EPHA6: variants seen among roughly 807,000 people sequenced by gnomAD.
EPHA6 encodes ephrin type-A receptor 6.
A neutral mutation model predicts 112.0 loss-of-function variants in EPHA6; 50 were observed. The ratio of observed to expected loss-of-function variants is 0.45; its 90% CI spans 0.36 to 0.56. The LOEUF (loss-of-function observed/expected upper bound fraction) is 0.56. Ranked by LOEUF, EPHA6 falls within the 20% of genes least tolerant of loss-of-function variation. The pLI, the probability that EPHA6 is intolerant of heterozygous loss-of-function variation, is 0.00. For missense variants in EPHA6, 1,280 were observed against 1,417.4 expected, an observed-to-expected ratio of 0.90 and a Z score of 1.56; for synonymous variants, 529 against 490.7, an observed-to-expected ratio of 1.08 and a Z score of -1.03.
At chr3:97,702,692 C>T (rs922028404) in intron 14 of EPHA6, among the ~76,000 whole-genome samples, 1 of 152,156 alleles carries the variant, frequency 6.6e-6, no homozygotes, top group African/African-American at 2.4e-5. Flanking sequence ...AGCGTAACCA[C>T]TGGTACTTTT....
intron 9 of EPHA6, among the ~76,000 whole-genome samples, chr3:97,479,595 C>A (rs1418588254): frequency 2.6e-5 from 4 of 152,090 alleles, no homozygotes; most frequent in Non-Finnish European, 1.5e-5. Flanking sequence ...ACACAACAGA[C>A]TGAATTTGCT....
chr3:97,692,972 C>T (rs1367420372), intron 14 of EPHA6, among the ~76,000 whole-genome samples: 2 of 152,118 alleles, frequency 1.3e-5, no homozygotes, highest in Non-Finnish European at 2.9e-5. Context: ...ATTAGCATTT[C>T]TTAGGGTCAG....
intron 11 of EPHA6, among the ~76,000 whole-genome samples, chr3:97,534,428 G>T (rs999156623): frequency 6.7e-6 from 1 of 150,074 alleles, no homozygotes; most frequent in Admixed American, 6.7e-5. Flanking sequence ...TGTTCAAAAT[G>T]AAGTCTGTCT....
At chr3:97,303,383 G>C (rs2081177154) in intron 5 of EPHA6, among the ~76,000 whole-genome samples, 11 of 151,934 alleles carry the variant, frequency 7.2e-5, no homozygotes, top group Admixed American at 7.2e-4. Context: ...TTCAAACAAG[G>C]TGTTAAATAG....
At position 96,958,429 on chromosome 3, in the gene EPHA6, G is replaced by A. The variant is rs540491159; in HGVS notation, c.451-28901G>A. Among the ~76,000 whole-genome samples the A allele has an allele frequency of 1.2e-4, 19 of 152,194 alleles. No individual in the cohort carries two copies. In the South Asian group the frequency reaches 2.3e-3, roughly 18 times the overall value. On this transcript the variant is annotated intron_variant, in intron 2 of 17. Coordinates refer to ENST00000389672, the MANE Select transcript of EPHA6 (RefSeq NM_001080448.3). ...GAATAATAATATTACCTACCTCATA[G>A]GATTTTTGTGAGAGCTAAAGGTTAT...
At chr3:96,859,065 G>T (rs997319115) in intron 1 of EPHA6, among the ~76,000 whole-genome samples, 1 of 151,902 alleles carries the variant, frequency 6.6e-6, no homozygotes, top group Non-Finnish European at 1.5e-5. Context: ...CCAATAGTTG[G>T]TTAAGAATGT....
rs893104245 is a variant in EPHA6 at position 97,757,568 on chromosome 3, G to T, written c.*8867G>T. 1.3e-5 allele frequency among the ~76,000 whole-genome samples: 2 copies of T among 151,390 alleles called. No homozygotes were observed. Among genetic ancestry groups the T allele is most frequent in the African/African-American group, 2.4e-5 (1 of 41,320 alleles). ...TAAATTATCCCATGGATAATAAAGA[G>T]ATTTTTTTCCAGCCATCATTAAATA... On this transcript the variant is annotated 3_prime_UTR_variant, in exon 18 of 18. Coordinates refer to ENST00000389672, the MANE Select transcript of EPHA6 (RefSeq NM_001080448.3).
chr3:97,736,156 A>G, intron 16 of EPHA6, 38 bp downstream of exon 16: 1 of 1,546,102 alleles, frequency 6.5e-7, no homozygotes, highest in Non-Finnish European at 8.8e-7. Context: ...CTTCTTGACA[A>G]TTATGGTTTC....
In EPHA6 at chr3:97,525,491, C is replaced by G. The variant is rs149855982; in HGVS notation, c.2201-6867C>G. Reference sequence around the variant, plus strand: ...ATCCTTTTTCCAGTAATTTGTACATCTCTTTTTTGGTGGGGTTGGTTAGTA... The same window carrying G: ...ATCCTTTTTCCAGTAATTTGTACATGTCTTTTTTGGTGGGGTTGGTTAGTA... On this transcript the variant is annotated intron_variant, in intron 10 of 17. Transcript: ENST00000389672. 1.7e-3 allele frequency among the ~76,000 whole-genome samples: 263 copies of G among 152,164 alleles called. 1 individual carries two copies. The highest frequency in any genetic ancestry group is 5.8e-3 in the African/African-American group (240 of 41,502).
At chr3:97,016,405 A>T (rs2044267704) in intron 3 of EPHA6, among the ~76,000 whole-genome samples, 1 of 152,184 alleles carries the variant, frequency 6.6e-6, no homozygotes, top group African/African-American at 2.4e-5. Flanking sequence ...TAACTATAAT[A>T]ATGTGAACAT....
intron 5 of EPHA6, among the ~76,000 whole-genome samples, chr3:97,296,882 C>T (rs958386101): frequency 1.3e-5 from 2 of 152,148 alleles, no homozygotes; most frequent in African/African-American, 4.8e-5. Context: ...AGCATCATCC[C>T]ACTGTAGTCC....
At chr3:97,639,316 A>G (rs778735244) in intron 14 of EPHA6, among the ~76,000 whole-genome samples, 25 of 151,992 alleles carry the variant, frequency 1.6e-4, no homozygotes, top group Non-Finnish European at 3.4e-4. Context: ...TTTAAATTGG[A>G]AAATATCATA....
intron 3 of EPHA6, among the ~76,000 whole-genome samples, chr3:97,036,043 G>A (rs2045080041): frequency 6.6e-6 from 1 of 151,944 alleles, no homozygotes; most frequent in Non-Finnish European, 1.5e-5. Context: ...CAAGAAGGTA[G>A]CCATTTATGA....
intron 12 of EPHA6, among the ~76,000 whole-genome samples, chr3:97,601,389 C>G (rs1241983796): frequency 6.6e-6 from 1 of 152,072 alleles, no homozygotes; most frequent in African/African-American, 2.4e-5. Context: ...GCTGTCTATT[C>G]CTCTCCAGAG....
In EPHA6 at chr3:97,206,269, A is replaced by T. The variant is rs2077710123; in HGVS notation, c.1115-19995A>T. 4.0e-5 allele frequency among the ~76,000 whole-genome samples: 6 copies of T among 151,850 alleles called. No homozygotes were observed. In the South Asian group the frequency reaches 1.0e-3, roughly 26 times the overall value. ...ACCTGGTCTCATTGCTTCTTTTCTC[A>T]CGCTTCTTTAATAAATTTGGTATAC... is the stretch of plus-strand genomic sequence containing the variant. On this transcript the variant is annotated intron_variant, in intron 3 of 17. Coordinates refer to ENST00000389672, the MANE Select transcript of EPHA6 (RefSeq NM_001080448.3).
intron 3 of EPHA6, among the ~76,000 whole-genome samples, chr3:96,995,148 C>T (rs369648859): frequency 8.6e-5 from 13 of 151,902 alleles, no homozygotes; most frequent in East Asian, 5.8e-4. Flanking sequence ...GGCTTCATGG[C>T]GCAATCCTCT....
intron 1 of EPHA6, among the ~76,000 whole-genome samples, chr3:96,848,455 C>A (rs1343097809): frequency 1.3e-5 from 2 of 151,756 alleles, no homozygotes; most frequent in African/African-American, 2.4e-5. Flanking sequence ...GGTGAAACTC[C>A]GTCTATACTA....
At chr3:97,243,543 A>G (rs986515506) in intron 4 of EPHA6, among the ~76,000 whole-genome samples, 1 of 151,800 alleles carries the variant, frequency 6.6e-6, no homozygotes, top group Non-Finnish European at 1.5e-5. Flanking sequence ...ACTTACAACA[A>G]TGTGTTTTGT....
At chr3:96,981,808 T>A (rs2042801374) in intron 2 of EPHA6, among the ~76,000 whole-genome samples, 1 of 152,210 alleles carries the variant, frequency 6.6e-6, no homozygotes, top group African/African-American at 2.4e-5. Context: ...AAGAAATTTA[T>A]CCATTTCTTC....
Sources: gnomAD v4.1 joint callset for allele counts (sites outside exome capture counted in the v4.1 genomes callset) on GRCh38, gnomAD v4.1.1 for gene constraint, MANE v1.5 for transcripts, NCBI Gene and HGNC (gene_info 2026-07-23, HGNC 2026-07-21) for gene names.